The following ZNF155 variants were observed in gnomAD, a reference collection of about 807,000 sequenced individuals.
The protein encoded by ZNF155 is zinc finger protein 155.
Under a neutral mutation model 11.9 loss-of-function variants are expected in ZNF155, and 15 were observed. The ratio of observed to expected loss-of-function variants is 1.26; its 90% CI spans 0.84 to 1.94. ZNF155 has a LOEUF of 1.94. Among genes scored for constraint, ZNF155 ranks in the 30% most tolerant of loss-of-function variants. The pLI is 0.00. For missense variants in ZNF155, 602 were observed against 639.1 expected (o/e 0.94, Z 0.63); for synonymous variants, 212 against 219.9 (o/e 0.96, Z 0.32).
chr19:43,987,125 AACT>A (rs1466000596), intron 1 of ZNF155, among the ~76,000 whole-genome samples: 7 of 152,218 alleles, frequency 4.6e-5, no homozygotes, highest in Non-Finnish European at 8.8e-5. Context: ...CTGTTTAAAA[AACT>A]ACTAATTGTG....
chr19:43,993,890 T>C (rs1312910321), intron 4 of ZNF155, among the ~76,000 whole-genome samples: 1 of 152,210 alleles, frequency 6.6e-6, no homozygotes, highest in African/African-American at 2.4e-5. Flanking sequence ...TTTTGAATGT[T>C]TTGCAAGCAT....
rs755603866 is a variant in ZNF155 at position 43,996,196 on chromosome 19, G to T, written c.339G>T (p.Arg113Ser). 6.2e-7 allele frequency: 1 copy of T among 1,614,130 alleles called. No individual in the cohort carries two copies. Among genetic ancestry groups the T allele is most frequent in the East Asian group, 2.2e-5 (1 of 44,886 alleles). The change falls in exon 5 of 5, where the codon AGG becomes AGT. Residue 113 changes from arginine to serine, a missense_variant. Arg to Ser is a moderately radical substitution (Grantham distance 110). Transcript: ENST00000270014. ...AACAAATTGCAAAAGACTTAACCAG[G>T]TCTCAGGACTCTATCATAAATAACT... ...IWEQIAKDLT[R>S]SQDSIINNSQ... is the part of the protein sequence containing the mutation.
At chr19:43,989,380 C>T (rs988999065) in intron 2 of ZNF155, among the ~76,000 whole-genome samples, 8 of 152,026 alleles carry the variant, frequency 5.3e-5, no homozygotes, top group African/African-American at 1.5e-4. Context: ...TTTTGCCAAT[C>T]ACTTGTGTTC....
intron 1 of ZNF155, among the ~76,000 whole-genome samples, chr19:43,987,131 T>C (rs1975488562): frequency 6.6e-6 from 1 of 152,248 alleles, no homozygotes; most frequent in East Asian, 1.9e-4. Flanking sequence ...AAAAAACTAC[T>C]AATTGTGCTT....
chr19:43,993,573 C>T (rs992477518), intron 4 of ZNF155, among the ~76,000 whole-genome samples: 9 of 152,088 alleles, frequency 5.9e-5, no homozygotes, highest in Non-Finnish European at 4.4e-5. Context: ...ACCACCACAC[C>T]CAGCTAATTT....
intron 2 of ZNF155, chr19:43,990,223 G>A (rs1599839745): frequency 1.3e-5 from 4 of 306,066 alleles, no homozygotes; most frequent in East Asian, 1.3e-4. Context: ...AACAATGAGA[G>A]AGTAAGATGT....
chr19:43,997,663 C>G lies in ZNF155; in HGVS notation c.*189C>G, dbSNP rs56101767. 0.67 allele frequency: 386,099 copies of G among 578,732 alleles called. 132,858 individuals carry two copies. The highest frequency in any genetic ancestry group is 0.73 in the Non-Finnish European group (249,183 of 340,908). 35.8% of individuals were successfully genotyped at this position (578,732 alleles called of 1,614,324 possible). A position where few individuals can be genotyped will look rare whatever the true frequency, so the allele number is the denominator to read the frequency against. On this transcript the variant is annotated 3_prime_UTR_variant, in exon 5 of 5. Coordinates refer to ENST00000270014, the MANE Select transcript of ZNF155 (RefSeq NM_198089.3). The stretch of plus-strand genomic sequence containing the variant: ...GGGTCCCTGGAGACCCCCAGCCAAA[C>G]GGGTCAGTGTCTCATCCCCACATAA...
At chr19:43,995,534 C>T (rs895646359) in intron 4 of ZNF155, among the ~76,000 whole-genome samples, 2 of 151,326 alleles carry the variant, frequency 1.3e-5, no homozygotes, top group African/African-American at 4.9e-5. Flanking sequence ...ACAGAGTGCA[C>T]GACCACACCT....
In ZNF155 at chr19:43,996,725, T is replaced by A. The variant is rs1975885480; in HGVS notation, c.868T>A (p.Cys290Ser). 6.2e-7 allele frequency: 1 copy of A among 1,613,970 alleles called. No individual in the cohort carries two copies. The highest frequency in any genetic ancestry group is 8.5e-7 in the Non-Finnish European group (1 of 1,179,998). ...CCATACTGGGGAGAAACCATTCAAA[T>A]GTGATATATGTGGTAAGACCTTCTA... ...RIHTGEKPFK[C>S]DICGKTFYFR... The change falls in exon 5 of 5, where the codon TGT becomes AGT. Residue 290 changes from cysteine to serine, a missense_variant. Physicochemically the swap from Cys to Ser is moderately radical, Grantham distance 112. Coordinates refer to ENST00000270014, the MANE Select transcript of ZNF155 (RefSeq NM_198089.3).
rs748291270 is a variant in ZNF155 at position 43,997,427 on chromosome 19, C to G, written c.1570C>G (p.Arg524Gly). 1.2e-6 allele frequency: 2 copies of G among 1,605,496 alleles called. No individual in the cohort carries two copies. Among genetic ancestry groups the G allele is most frequent in the East Asian group, 4.5e-5 (2 of 44,844 alleles). The change falls in exon 5 of 5, where the codon CGC becomes GGC. Residue 524 changes from arginine (R) to glycine (G), a missense_variant. Transcript: ENST00000270014. ...GGATTGTGGGAGACGCTACAAGAGG[C>G]GCTTGAATCTGGATATACTTTTATC... Reference protein sequence around the residue: ...CEDCGRRYKRRLNLDILLSLF... With the variant: ...CEDCGRRYKRGLNLDILLSLF...
At position 43,996,642 on chromosome 19, in the gene ZNF155, G is replaced by T. The variant is rs1204363180; in HGVS notation, c.785G>T (p.Cys262Phe). ...CACACAGGAGAGAAACCTTACATTT[G>T]TGAGGCATGTGGGAAGGCCTTCATT... The part of the protein sequence containing the change: ...KLHTGEKPYI[C>F]EACGKAFIHD... The change falls in exon 5 of 5, where the codon TGT becomes TTT. Residue 262 changes from cysteine (C) to phenylalanine (F), a missense_variant. By Grantham distance (205) the Cys-to-Phe change is radical. Transcript: ENST00000270014. 1.9e-6 allele frequency: 3 copies of T among 1,613,642 alleles called. No homozygotes were observed. The highest frequency in any genetic ancestry group is 2.7e-5 in the African/African-American group (2 of 74,906).
At position 43,990,214 on chromosome 19, in the gene ZNF155, A is replaced by G. The variant is rs947653779; in HGVS notation, c.16-1334A>G. On this transcript the variant is annotated intron_variant, in intron 2 of 4. Coordinates refer to ENST00000270014, the MANE Select transcript of ZNF155 (RefSeq NM_198089.3). The stretch of plus-strand genomic sequence containing the variant: ...TTTTCATTTGAAATTATTATTTTAA[A>G]CAATGAGAGAGTAAGATGTTCTTAC... 11 of 672,850 alleles carry G rather than the reference A, an allele frequency of 1.6e-5. No individual in the cohort carries two copies. The African/African-American group carries it at 2.4e-4, about 15-fold the overall frequency. 41.7% of individuals were successfully genotyped at this position (672,850 alleles called of 1,614,324 possible).
chr19:43,996,676 C>A lies in ZNF155; in HGVS notation c.819C>A (p.Ser273=), dbSNP rs776574181. 15 of 1,611,556 alleles carry A rather than the reference C, an allele frequency of 9.3e-6. No homozygotes were observed. The Admixed American group carries it at 2.3e-4, about 25-fold the overall frequency. Residue 273 remains serine, a synonymous_variant, in exon 5 of 5, where the codon TCC becomes TCA. Coordinates refer to ENST00000270014, the MANE Select transcript of ZNF155 (RefSeq NM_198089.3). ...EACGKAFIHD[S]QLKEHKRIHT... ...GTGGGAAGGCCTTCATTCATGATTC[C>A]CAGCTTAAGGAACATAAGAGAATCC...
intron 1 of ZNF155, among the ~76,000 whole-genome samples, chr19:43,988,055 G>A (rs1293111804): frequency 2.0e-5 from 3 of 152,180 alleles, no homozygotes; most frequent in Non-Finnish European, 2.9e-5. Context: ...GGAGGCCAAG[G>A]TGGGAGGTAT....
Position 43,997,450 on chromosome 19 carries a change from A to G in ZNF155, c.1593A>G (p.Leu531=), listed in dbSNP as rs1156363897. The change falls in exon 5 of 5, where the codon TTA becomes TTG. Residue 531 remains leucine, a synonymous_variant. Coordinates refer to ENST00000270014, the MANE Select transcript of ZNF155 (RefSeq NM_198089.3). ...GGCGCTTGAATCTGGATATACTTTT[A>G]TCATTATTTCTAAATGACACATAAT... The part of the protein sequence containing the change: ...YKRRLNLDIL[L]SLFLNDT 6.3e-7 allele frequency: 1 copy of G among 1,598,192 alleles called. No individual in the cohort carries two copies. The highest frequency in any genetic ancestry group is 8.5e-7 in the Non-Finnish European group (1 of 1,175,896).
chr19:43,989,741 A>G (rs1975588145), intron 2 of ZNF155, among the ~76,000 whole-genome samples: 1 of 152,164 alleles, frequency 6.6e-6, no homozygotes, highest in Non-Finnish European at 1.5e-5. Flanking sequence ...GTTATAGAAA[A>G]TCTTTAAATC....
rs773471033 is a variant in ZNF155, at chr19:43,996,407, A to G, written c.550A>G (p.Ser184Gly). 6.2e-7 allele frequency: 1 copy of G among 1,614,060 alleles called. No individual in the cohort carries two copies. Among genetic ancestry groups the G allele is most frequent in the African/African-American group, 1.3e-5 (1 of 74,920 alleles). ...KSYTCDECGK[S>G]ICYISALHVH... Reference sequence around the variant, plus strand: ...TTATACATGTGATGAGTGTGGAAAAAGCATCTGTTACATCTCAGCTCTTCA... The same window carrying G: ...TTATACATGTGATGAGTGTGGAAAAGGCATCTGTTACATCTCAGCTCTTCA... The change falls in exon 5 of 5, where the codon AGC becomes GGC. Residue 184 changes from serine to glycine, a missense_variant. By Grantham distance (56) the Ser-to-Gly change is moderately conservative (BLOSUM62 0). Coordinates refer to ENST00000270014, the MANE Select transcript of ZNF155 (RefSeq NM_198089.3).
chr19:43,989,785 C>A (rs1303169133), intron 2 of ZNF155, among the ~76,000 whole-genome samples: 1 of 152,102 alleles, frequency 6.6e-6, no homozygotes, highest in African/African-American at 2.4e-5. Flanking sequence ...ACAATGTTAC[C>A]AGAAGAAATA....
intron 1 of ZNF155, among the ~76,000 whole-genome samples, chr19:43,988,144 A>G (rs1272111633): frequency 6.6e-6 from 1 of 152,076 alleles, no homozygotes; most frequent in East Asian, 1.9e-4. Context: ...ACTCATTCTC[A>G]CCTCAAATCT....
Sources: gnomAD v4.1 joint callset for allele counts (sites outside exome capture counted in the v4.1 genomes callset) on GRCh38, gnomAD v4.1.1 for gene constraint, MANE v1.5 for transcripts, NCBI Gene and HGNC (gene_info 2026-07-23, HGNC 2026-07-21) for gene names.